The following NFKBIE variants were observed in gnomAD, a reference collection of about 807,000 sequenced individuals.
The protein encoded by NFKBIE is NF-kappa-B inhibitor epsilon.
In NFKBIE, 11 loss-of-function variants were observed where a neutral mutation model predicts 31.6. The ratio of observed to expected loss-of-function variants is 0.35; its 90% CI spans 0.22 to 0.58. The LOEUF is 0.58. Ranked by LOEUF, NFKBIE falls within the 20% of genes least tolerant of loss-of-function variation. The pLI is 0.83. For missense variants in NFKBIE, 354 were observed against 465.7 expected (o/e 0.76, Z 2.21); for synonymous variants, 208 against 210.1 (o/e 0.99, Z 0.09).
rs1227362446 is a variant in NFKBIE at position 44,260,844 on chromosome 6, CACACACACACATACAG to C, written c.692-321_692-306del. ...AAACTACAACACACACACACACACA[CACACACACACATACAG>C]ACACACACACACACACACACACACA... On this transcript the variant is annotated intron_variant, in intron 3 of 5. Transcript: ENST00000619360. This position sits in a 1 kb window ranked among gnomAD's most constrained non-coding sequence, Gnocchi z 5.5. Among the ~76,000 whole-genome samples the C allele has an allele frequency of 3.5e-3, 305 of 86,528 alleles. 2 individuals are homozygous for C. The highest frequency in any genetic ancestry group is 5.5e-3 in the Admixed American group (41 of 7,522). 56.8% of individuals were successfully genotyped at this position (86,528 alleles called of 152,430 possible). A position where few individuals can be genotyped will look rare whatever the true frequency, so the allele number is the denominator to read the frequency against.
chr6:44,261,594 G>A lies in NFKBIE; in HGVS notation c.691+32C>T. Reference sequence around the variant, plus strand: ...CTCCTATGCCCTCCTCATCCCACAGGCCCTAAGGGCAGTCTTAAAGACTGT... The same window carrying A: ...CTCCTATGCCCTCCTCATCCCACAGACCCTAAGGGCAGTCTTAAAGACTGT... On this transcript the variant is annotated intron_variant, in intron 3 of 5. Coordinates refer to ENST00000619360, the MANE Select transcript of NFKBIE (RefSeq NM_004556.3). The surrounding 1 kb of genome is among the most constrained non-coding windows in gnomAD (Gnocchi z 4.3). 1 of 1,603,088 alleles carries A rather than the reference G, an allele frequency of 6.2e-7. No homozygotes were observed.
rs775322978 is a variant in NFKBIE, at chr6:44,260,036, C to T, written c.1020+7G>A. 1 of 1,612,242 alleles carries T rather than the reference C, an allele frequency of 6.2e-7. No homozygotes were observed. Among genetic ancestry groups the T allele is most frequent in the Admixed American group, 1.7e-5 (1 of 59,960 alleles). ...AGGCCCTGGAGAGCAAAGCATATGC[C>T]ACTTACTTCCTCAGTCAGGTCCTGG... is the stretch of plus-strand genomic sequence containing the variant. On this transcript the variant is annotated splice_region_variant and intron_variant, in intron 5 of 5. Transcript: ENST00000619360. The surrounding 1 kb of genome is among the most constrained non-coding windows in gnomAD (Gnocchi z 5.5).
chr6:44,260,177 G>T lies in NFKBIE; in HGVS notation c.886C>A (p.Leu296Met). ...QAGAQVDARM[L>M]NGCTPLHLAA... is the part of the protein sequence containing the mutation. ...AGGTGCAGGGGTGTGCACCCGTTCA[G>T]CATGCGGGCATCTACCTGGGCACCA... is the stretch of plus-strand genomic sequence containing the variant. The change falls in exon 5 of 6, where the codon CTG becomes ATG. Residue 296 changes from leucine (L) to methionine (M), a missense_variant. Transcript: ENST00000619360. The surrounding 1 kb of genome is among the most constrained non-coding windows in gnomAD (Gnocchi z 5.5). 1 of 1,614,208 alleles carries T rather than the reference G, an allele frequency of 6.2e-7. No individual in the cohort carries two copies. The highest frequency in any genetic ancestry group is 1.1e-5 in the South Asian group (1 of 91,084).
chr6:44,259,364 T>C (rs1420251627), intron 5 of NFKBIE, 80 bp from the exon 6 acceptor site: 2 of 1,009,036 alleles, frequency 2.0e-6, no homozygotes, highest in African/African-American at 1.6e-5. Context: ...GGGAAACCTG[T>C]TGGGCCACTC....
chr6:44,265,276 C>A lies in NFKBIE; in HGVS notation c.71G>T (p.Arg24Leu). Reference sequence around the variant, plus strand: ...GGACTCGGGTAGGGAGCGCAGAGAGCGCAGAGACTCAATGCCAGAGTCGTA... The same window carrying A: ...GGACTCGGGTAGGGAGCGCAGAGAGAGCAGAGACTCAATGCCAGAGTCGTA... Reference protein sequence around the residue: ...SQYDSGIESLRSLRSLPESTS... With the variant: ...SQYDSGIESLLSLRSLPESTS... Residue 24 changes from arginine to leucine, a missense_variant, in exon 1 of 6, where the codon CGC (arginine) becomes CTC (leucine). By Grantham distance (102) the Arg-to-Leu change is moderately radical (BLOSUM62 -2). Around this residue, in one of 2 missense-constraint regions of NFKBIE, gnomAD observed 171 missense variants for 155.1 expected, o/e 1.10. Coordinates refer to ENST00000619360, the MANE Select transcript of NFKBIE (RefSeq NM_004556.3). 1 of 1,551,030 alleles carries A rather than the reference C, an allele frequency of 6.4e-7. No homozygotes were observed. Among genetic ancestry groups the A allele is most frequent in the Non-Finnish European group, 8.7e-7 (1 of 1,147,958 alleles).
At chr6:44,262,699 C>T in intron 1 of NFKBIE, 37 bp from the exon 2 acceptor site, 2 of 1,555,202 alleles carry the variant, frequency 1.3e-6, no homozygotes, top group Non-Finnish European at 1.8e-6. Context: ...GTTAAGGGCC[C>T]AGGCCAGAGG....
chr6:44,259,938 G>A, intron 5 of NFKBIE, 105 bp downstream of exon 5: 1 of 1,488,716 alleles, frequency 6.7e-7, no homozygotes, highest in South Asian at 1.3e-5. Context: ...CAGAGTCCTG[G>A]TTATACCCCA....
intron 5 of NFKBIE, 67 bp downstream of exon 5, chr6:44,259,976 C>A: frequency 1.3e-6 from 2 of 1,568,708 alleles, no homozygotes; most frequent in Non-Finnish European, 8.7e-7. Context: ...GCCCTTTCAG[C>A]TAATGACAGA....
At position 44,260,864 on chromosome 6, in the gene NFKBIE, C is replaced by CACACACACACACACAG. The variant is rs1781883335; in HGVS notation, c.692-326_692-325insCTGTGTGTGTGTGTGT. ...ACACACACACACACACATACAGACACACACACACACACACACACACACACA... is the reference window on the plus strand; with the variant it reads ...ACACACACACACACACATACAGACACACACACACACACACAGACACACACACACACACACACACACA... On this transcript the variant is annotated intron_variant, in intron 3 of 5. Transcript: ENST00000619360. This position sits in a 1 kb window ranked among gnomAD's most constrained non-coding sequence, Gnocchi z 5.5. Among the ~76,000 whole-genome samples the CACACACACACACACAG allele has an allele frequency of 4.4e-4, 47 of 107,278 alleles. 1 individual carries two copies. The highest frequency in any genetic ancestry group is 9.0e-4 in the East Asian group (4 of 4,456). The allele number at this position is 107,278 out of a possible 152,430, so 70.4% of individuals were successfully genotyped here.
chr6:44,259,536 G>A (rs186546686), intron 5 of NFKBIE, among the ~76,000 whole-genome samples: 34 of 149,798 alleles, frequency 2.3e-4, no homozygotes, highest in African/African-American at 7.8e-4. Flanking sequence ...ACCCTTAGAG[G>A]TGATCCAGCC....
At position 44,265,426 on chromosome 6, in the gene NFKBIE, G is replaced by A. The variant is rs1316298492; in HGVS notation, c.-80C>T. The A allele has an allele frequency of 1.9e-6, 3 of 1,539,016 alleles. No individual in the cohort carries two copies. The highest frequency in any genetic ancestry group is 1.4e-5 in the African/African-American group (1 of 71,792). On this transcript the variant is annotated 5_prime_UTR_variant, in exon 1 of 6. Transcript: ENST00000619360. ...CCGCCGCGCCGCCTTTCCGGGTTGCGGGTCCGCTTGGCAGAGCGGGCGCCC... is the reference window on the plus strand; with the variant it reads ...CCGCCGCGCCGCCTTTCCGGGTTGCAGGTCCGCTTGGCAGAGCGGGCGCCC...
intron 2 of NFKBIE, 58 bp downstream of exon 2, chr6:44,262,502 G>A: frequency 6.9e-7 from 1 of 1,458,744 alleles, no homozygotes; most frequent in Non-Finnish European, 9.6e-7. Flanking sequence ...TATGGCTGCT[G>A]GGAATGGCTG....
Position 44,259,236 on chromosome 6 carries a change from G to A in NFKBIE, c.1069C>T (p.Leu357=), listed in dbSNP as rs1227365623. Residue 357 remains leucine, a synonymous_variant, in exon 6 of 6, where the codon CTG becomes TTG. Transcript: ENST00000619360. The stretch of plus-strand genomic sequence containing the variant: ...GCCTGGCTTCAGTCGGTACACAGCA[G>A]CAGTTTCCCTGAGATCTTCAGGTCA... ...FDDLKISGKL[L]LCTD The A allele has an allele frequency of 6.2e-7, 1 of 1,613,624 alleles. No individual in the cohort carries two copies. Among genetic ancestry groups the A allele is most frequent in the Admixed American group, 1.7e-5 (1 of 59,996 alleles).
At chr6:44,264,473 AAGAG>A in intron 1 of NFKBIE, among the ~76,000 whole-genome samples, 1 of 152,226 alleles carries the variant, frequency 6.6e-6, no homozygotes, top group East Asian at 1.9e-4. Flanking sequence ...CTGCTGGGGC[AAGAG>A]TGCCCCAGCC....
Position 44,259,134 on chromosome 6 carries a change from T to G in NFKBIE, c.*85A>C, listed in dbSNP as rs891488410. ...GTCCCTAGGGCACCAGAAGAGCACA[T>G]AGCCTGGGCCCAAACTGCAGCAGTT... On this transcript the variant is annotated 3_prime_UTR_variant, in exon 6 of 6. Transcript: ENST00000619360. 3 of 1,436,630 alleles carry G rather than the reference T, an allele frequency of 2.1e-6. No individual in the cohort carries two copies. In the African/African-American group the frequency reaches 4.2e-5, roughly 20 times the overall value. The allele number at this position is 1,436,630 out of a possible 1,614,324, so 89.0% of individuals were successfully genotyped here.
Position 44,260,499 on chromosome 6 carries a change from T to C in NFKBIE, c.732A>G (p.Gln244=), listed in dbSNP as rs749850459. ...CLHIATLQKN[Q]PLMELLLRNG... The stretch of plus-strand genomic sequence containing the variant: ...TCCGAAGCAGCAATTCCATGAGTGG[T>C]TGGTTCTTCTGAAGGGTGGCAATGT... Residue 244 remains glutamine (Q), a synonymous_variant, in exon 4 of 6, where the codon CAA becomes CAG. Coordinates refer to ENST00000619360, the MANE Select transcript of NFKBIE (RefSeq NM_004556.3). The surrounding 1 kb of genome is among the most constrained non-coding windows in gnomAD (Gnocchi z 5.5). 6 of 1,614,030 alleles carry C rather than the reference T, an allele frequency of 3.7e-6. No homozygotes were observed. Among genetic ancestry groups the C allele is most frequent in the East Asian group, 2.2e-5 (1 of 44,872 alleles).
At chr6:44,264,835 A>G in intron 1 of NFKBIE, 147 bp downstream of exon 1, 2 of 937,282 alleles carry the variant, frequency 2.1e-6, no homozygotes, top group Non-Finnish European at 1.6e-6. Context: ...CTGGACCTCA[A>G]AAGTGGGCTG....
At position 44,258,834 on chromosome 6, in the gene NFKBIE, T is replaced by TG. The variant is rs1781780654; in HGVS notation, c.*384dup. ...TAAGATGGGACACCTCTCAGGGTTC[T>TG]GCTTGCTCCTATTTCAGTCTCTTCT... On this transcript the variant is annotated 3_prime_UTR_variant, in exon 6 of 6. Transcript: ENST00000619360. 5.6e-6 allele frequency: 1 copy of TG among 179,396 alleles called. No individual in the cohort carries two copies. The highest frequency in any genetic ancestry group is 1.4e-4 in the East Asian group (1 of 7,406). The allele number at this position is 179,396 out of a possible 1,614,324, so 11.1% of individuals were successfully genotyped here.
chr6:44,258,884 A>C lies in NFKBIE; in HGVS notation c.*335T>G. 1 of 239,720 alleles carries C rather than the reference A, an allele frequency of 4.2e-6. No individual in the cohort carries two copies. Among genetic ancestry groups the C allele is most frequent in the Non-Finnish European group, 8.6e-6 (1 of 115,926 alleles). The allele number at this position is 239,720 out of a possible 1,614,324, so 14.8% of individuals were successfully genotyped here. Reference sequence around the variant, plus strand: ...TCACTCAGGAGAGTCCATGCTTCCTACTGGTTGGCAGTTTCAGGCTGACCC... The same window carrying C: ...TCACTCAGGAGAGTCCATGCTTCCTCCTGGTTGGCAGTTTCAGGCTGACCC... On this transcript the variant is annotated 3_prime_UTR_variant, in exon 6 of 6. Coordinates refer to ENST00000619360, the MANE Select transcript of NFKBIE (RefSeq NM_004556.3).
Sources: allele counts gnomAD v4.1 joint callset (sites outside exome capture counted in the v4.1 genomes callset), GRCh38; gene constraint gnomAD v4.1.1; regional missense constraint gnomAD v4.1.1; non-coding constraint Gnocchi (gnomAD v3.1); transcripts MANE v1.5; gene names NCBI Gene and HGNC (gene_info 2026-07-23, HGNC 2026-07-21).